MDGA2: variants seen among roughly 807,000 people sequenced by gnomAD.
The protein encoded by MDGA2 is MAM domain containing glycosylphosphatidylinositol anchor 2.
Under a neutral mutation model 117.8 loss-of-function variants are expected in MDGA2, and 40 were observed. The ratio of observed to expected loss-of-function variants is 0.34; its 90% CI spans 0.26 to 0.44. MDGA2 has a LOEUF of 0.44. Ranked by LOEUF, MDGA2 falls within the 20% of genes least tolerant of loss-of-function variation. The pLI, the probability that MDGA2 is intolerant of heterozygous loss-of-function variation, is 1.00. For missense variants in MDGA2, 1,123 were observed against 1,250.6 expected, an observed-to-expected ratio of 0.90 and a Z score of 1.54; for synonymous variants, 452 against 439.0, an observed-to-expected ratio of 1.03 and a Z score of -0.37.
intron 1 of MDGA2, among the ~76,000 whole-genome samples, chr14:47,387,299 C>T (rs962934882): frequency 2.6e-5 from 4 of 152,066 alleles, no homozygotes; most frequent in South Asian, 2.1e-4. Flanking sequence ...TTTGGTACCA[C>T]GGTTGGGTTA....
At chr14:47,512,072 C>T (rs1337101137) in intron 1 of MDGA2, among the ~76,000 whole-genome samples, 1 of 152,140 alleles carries the variant, frequency 6.6e-6, no homozygotes, top group African/African-American at 2.4e-5. Context: ...ACAGAGCTGG[C>T]ATGTGCTACT....
intron 4 of MDGA2, among the ~76,000 whole-genome samples, chr14:47,140,129 AG>A (rs1337639755): frequency 5.3e-5 from 8 of 151,924 alleles, no homozygotes; most frequent in Non-Finnish European, 5.9e-5. Flanking sequence ...TTAACCAAGG[AG>A]GGGAAAGATG....
Position 47,370,507 on chromosome 14 carries a change from G to A in MDGA2, c.281-68957C>T, listed in dbSNP as rs1391759390. Among the ~76,000 whole-genome samples the A allele has an allele frequency of 1.2e-4, 7 of 58,484 alleles. No individual in the cohort carries two copies. In the East Asian group the frequency reaches 7.5e-3, roughly 63 times the overall value. The allele number at this position is 58,484 out of a possible 152,430, so 38.4% of individuals were successfully genotyped here. Reference sequence around the variant, plus strand: ...TTTTTTTTTTTTTTTTTGTGTGTGTGTGTGTGTGTGTGTGTGTGTTTAAGA... The same window carrying A: ...TTTTTTTTTTTTTTTTTGTGTGTGTATGTGTGTGTGTGTGTGTGTTTAAGA... On this transcript the variant is annotated intron_variant, in intron 1 of 16. Coordinates refer to ENST00000399232, the MANE Select transcript of MDGA2 (RefSeq NM_001113498.3).
At chr14:47,177,608 C>T (rs538682421) in intron 3 of MDGA2, among the ~76,000 whole-genome samples, 41 of 152,176 alleles carry the variant, frequency 2.7e-4, no homozygotes, top group African/African-American at 9.9e-4. Flanking sequence ...AATGAGAACA[C>T]ATGGACACAG....
At chr14:47,333,174 G>T (rs1209910422) in intron 1 of MDGA2, among the ~76,000 whole-genome samples, 1 of 151,886 alleles carries the variant, frequency 6.6e-6, no homozygotes, top group East Asian at 1.9e-4. Flanking sequence ...GGGATTGCTA[G>T]ATTAAATGGT....
intron 1 of MDGA2, among the ~76,000 whole-genome samples, chr14:47,456,112 A>T (rs1001932202): frequency 6.6e-6 from 1 of 152,156 alleles, no homozygotes; most frequent in Admixed American, 6.6e-5. Context: ...AGTTTGTAAC[A>T]AGCATTGTAA....
chr14:47,041,461 CTAA>C (rs374717304), intron 7 of MDGA2, among the ~76,000 whole-genome samples: 8 of 151,946 alleles, frequency 5.3e-5, no homozygotes, highest in African/African-American at 1.9e-4. Flanking sequence ...AAAGTCACTC[CTAA>C]TAAAAATGCA....
chr14:47,139,845 C>T (rs1035246511), intron 4 of MDGA2, among the ~76,000 whole-genome samples: 1 of 143,686 alleles, frequency 7.0e-6, no homozygotes, highest in South Asian at 2.1e-4. Flanking sequence ...TATATATACA[C>T]ACATATATAT....
chr14:47,630,674 TATA>T, intron 1 of MDGA2, among the ~76,000 whole-genome samples: 1 of 152,296 alleles, frequency 6.6e-6, no homozygotes, highest in African/African-American at 2.4e-5. Context: ...AATGAATTAT[TATA>T]ATAGTACAAA....
At chr14:47,265,895 A>G (rs1190172066) in intron 2 of MDGA2, among the ~76,000 whole-genome samples, 2 of 152,140 alleles carry the variant, frequency 1.3e-5, no homozygotes, top group African/African-American at 4.8e-5. Context: ...ATCACAAATC[A>G]CAACACCTAC....
At chr14:47,367,124 C>G (rs1418019217) in intron 1 of MDGA2, among the ~76,000 whole-genome samples, 1 of 152,018 alleles carries the variant, frequency 6.6e-6, no homozygotes, top group Non-Finnish European at 1.5e-5. Flanking sequence ...TATAACTGAG[C>G]TATCTTAATT....
At chr14:47,569,794 C>G (rs1895985074) in intron 1 of MDGA2, among the ~76,000 whole-genome samples, 1 of 152,102 alleles carries the variant, frequency 6.6e-6, no homozygotes. Flanking sequence ...ACAGATTATT[C>G]ATTTGTTGTT....
At chr14:47,628,662 T>C (rs1436165767) in intron 1 of MDGA2, among the ~76,000 whole-genome samples, 1 of 152,200 alleles carries the variant, frequency 6.6e-6, no homozygotes, top group Non-Finnish European at 1.5e-5. Flanking sequence ...TATCAAGATA[T>C]ACTGAAGGAC....
At chr14:47,319,412 T>C (rs910387725) in intron 1 of MDGA2, among the ~76,000 whole-genome samples, 5 of 152,184 alleles carry the variant, frequency 3.3e-5, no homozygotes, top group Non-Finnish European at 5.9e-5. Context: ...TCTAGACCTT[T>C]ATTCATCTTA....
intron 3 of MDGA2, among the ~76,000 whole-genome samples, chr14:47,173,450 C>A (rs574377097): frequency 6.6e-6 from 1 of 152,334 alleles, no homozygotes; most frequent in South Asian, 2.1e-4. Context: ...CAGCGGATCT[C>A]TCGGCAGAAA....
At chr14:47,595,240 A>G (rs990417472) in intron 1 of MDGA2, among the ~76,000 whole-genome samples, 4 of 150,730 alleles carry the variant, frequency 2.7e-5, no homozygotes, top group Admixed American at 6.7e-5. Flanking sequence ...GCATTAGAGA[A>G]AAAAAAAAAG....
intron 1 of MDGA2, among the ~76,000 whole-genome samples, chr14:47,631,359 C>G (rs1276528640): frequency 6.6e-6 from 1 of 152,150 alleles, no homozygotes; most frequent in Non-Finnish European, 1.5e-5. Flanking sequence ...ATCTTCTCTT[C>G]CCCCAGCCCA....
intron 1 of MDGA2, among the ~76,000 whole-genome samples, chr14:47,339,651 TC>T (rs2139940790): frequency 6.6e-6 from 1 of 152,238 alleles, no homozygotes; most frequent in Admixed American, 6.5e-5. Context: ...CTCCCCTTCC[TC>T]TTTCACCATG....
intron 1 of MDGA2, among the ~76,000 whole-genome samples, chr14:47,645,182 G>C (rs1255323293): frequency 6.6e-6 from 1 of 151,978 alleles, no homozygotes; most frequent in Non-Finnish European, 1.5e-5. Context: ...GCAGCAATAA[G>C]AAACTAAGAC....
Sources: allele counts gnomAD v4.1 joint callset (sites outside exome capture counted in the v4.1 genomes callset), GRCh38; gene constraint gnomAD v4.1.1; transcripts MANE v1.5; gene names NCBI Gene and HGNC (gene_info 2026-07-23, HGNC 2026-07-21).